The following CNBD1 variants were observed in gnomAD, a reference collection of about 807,000 sequenced individuals.
CNBD1 encodes the protein cyclic nucleotide-binding domain-containing protein 1.
In CNBD1, 71 loss-of-function variants were observed where a neutral mutation model predicts 54.4. That is an observed-to-expected ratio of 1.30 (90% confidence interval 1.08 to 1.59). The LOEUF (loss-of-function observed/expected upper bound fraction) is 1.59. CNBD1 is among the 40% of genes most tolerant of loss of function. CNBD1 has a pLI of 0.00. For synonymous variants in CNBD1, 182 were observed against 170.7 expected (o/e 1.07, Z -0.51); for missense variants, 659 against 518.0 (o/e 1.27, Z -2.64).
At chr8:86,880,793 C>G (rs1490476926) in intron 1 of CNBD1, among the ~76,000 whole-genome samples, 2 of 152,200 alleles carry the variant, frequency 1.3e-5, no homozygotes, top group Admixed American at 6.5e-5. Context: ...TATCGGCAAA[C>G]CCAATCCAGC....
At chr8:87,271,683 G>C (rs1808366896) in intron 6 of CNBD1, among the ~76,000 whole-genome samples, 1 of 151,936 alleles carries the variant, frequency 6.6e-6, no homozygotes, top group Admixed American at 6.6e-5. Context: ...TAGCCACTAT[G>C]GAAAACAGTA....
At chr8:86,888,491 C>G (rs542214390) in intron 2 of CNBD1, among the ~76,000 whole-genome samples, 1 of 152,196 alleles carries the variant, frequency 6.6e-6, no homozygotes, top group East Asian at 1.9e-4. Context: ...CACTTACCCT[C>G]TGTGTGACTT....
intron 5 of CNBD1, among the ~76,000 whole-genome samples, chr8:87,223,989 C>T (rs944499650): frequency 3.9e-5 from 6 of 152,086 alleles, no homozygotes; most frequent in Non-Finnish European, 7.3e-5. Context: ...TCTCTGATGG[C>T]CAGTGACGGT....
At chr8:86,884,609 A>G (rs1808654260) in intron 1 of CNBD1, among the ~76,000 whole-genome samples, 1 of 152,218 alleles carries the variant, frequency 6.6e-6, no homozygotes, top group Non-Finnish European at 1.5e-5. Flanking sequence ...ATCCAAGTAT[A>G]TAGGAAGACT....
At chr8:87,026,200 G>A (rs1312512602) in intron 4 of CNBD1, among the ~76,000 whole-genome samples, 1 of 152,090 alleles carries the variant, frequency 6.6e-6, no homozygotes, top group Admixed American at 6.5e-5. Flanking sequence ...ATTAATGGGA[G>A]GACCAAATTC....
chr8:87,389,032 C>A (rs1305247138), intron 2 of CNBD1, among the ~76,000 whole-genome samples: 2 of 152,130 alleles, frequency 1.3e-5, no homozygotes, highest in Admixed American at 6.5e-5. Context: ...CAGAAAAGGC[C>A]TTTGACAGAA....
intron 4 of CNBD1, among the ~76,000 whole-genome samples, chr8:87,102,780 A>AT (rs1229395683): frequency 5.9e-5 from 9 of 151,826 alleles, no homozygotes; most frequent in Admixed American, 4.6e-4. Flanking sequence ...CGCCCGGCTA[A>AT]TTTTTTTGTA....
chr8:87,388,972 G>T (rs1586072244), intron 2 of CNBD1, among the ~76,000 whole-genome samples: 1 of 152,050 alleles, frequency 6.6e-6, no homozygotes, highest in East Asian at 1.9e-4. Context: ...TTGTAATCCA[G>T]CATATAAACA....
intron 4 of CNBD1, among the ~76,000 whole-genome samples, chr8:87,005,492 A>T (rs1229682211): frequency 6.6e-6 from 1 of 152,114 alleles, no homozygotes; most frequent in Non-Finnish European, 1.5e-5. Context: ...TTGATAGTGT[A>T]TTGACTGCTG....
At chr8:87,185,584 G>T (rs1289050639) in intron 4 of CNBD1, among the ~76,000 whole-genome samples, 1 of 151,980 alleles carries the variant, frequency 6.6e-6, no homozygotes, top group African/African-American at 2.4e-5. Context: ...ACTCATATGT[G>T]GTCTATCCTA....
intron 4 of CNBD1, among the ~76,000 whole-genome samples, chr8:87,200,935 G>A (rs1813846312): frequency 6.6e-6 from 1 of 152,006 alleles, no homozygotes; most frequent in Admixed American, 6.6e-5. Flanking sequence ...ACCAAATAAA[G>A]GGATCAGAAG....
chr8:87,058,803 T>A (rs1810480123), intron 4 of CNBD1, among the ~76,000 whole-genome samples: 1 of 152,218 alleles, frequency 6.6e-6, no homozygotes, highest in Admixed American at 6.5e-5. Context: ...GGAAGGTCTC[T>A]GACATGCCCT....
intron 2 of CNBD1, among the ~76,000 whole-genome samples, chr8:87,397,406 G>T (rs754868092): frequency 3.3e-5 from 5 of 151,844 alleles, no homozygotes; most frequent in Non-Finnish European, 5.9e-5. Context: ...TTTTGTAAGA[G>T]TGAAATCAGT....
chr8:87,224,411 A>G (rs1563513535), intron 5 of CNBD1, among the ~76,000 whole-genome samples: 3 of 151,460 alleles, frequency 2.0e-5, no homozygotes, highest in Non-Finnish European at 4.4e-5. Context: ...TCTTGAATTG[A>G]TTTTTGTATA....
chr8:87,079,682 C>CT (rs959439834), intron 4 of CNBD1, among the ~76,000 whole-genome samples: 127 of 152,026 alleles, frequency 8.4e-4, no homozygotes, highest in African/African-American at 2.8e-3. Context: ...ATAGTTGTTT[C>CT]TTTTTTTATT....
chr8:87,426,485 A>G (rs1304898355), intron 2 of CNBD1, among the ~76,000 whole-genome samples: 1 of 152,230 alleles, frequency 6.6e-6, no homozygotes, highest in Non-Finnish European at 1.5e-5. Flanking sequence ...AAATTGAGAG[A>G]AATTCTGCAC....
intron 4 of CNBD1, among the ~76,000 whole-genome samples, chr8:87,042,550 G>A (rs977040449): frequency 2.6e-5 from 4 of 152,130 alleles, no homozygotes; most frequent in Non-Finnish European, 4.4e-5. Flanking sequence ...AAATGATGGG[G>A]AAGAAATATT....
chr8:86,974,033 T>C (rs904860361), intron 4 of CNBD1, among the ~76,000 whole-genome samples: 4 of 152,072 alleles, frequency 2.6e-5, no homozygotes, highest in African/African-American at 9.7e-5. Flanking sequence ...CAATGGAAAA[T>C]ATACCCCAAA....
chr8:87,100,213 G>A (rs1380322515), intron 4 of CNBD1, among the ~76,000 whole-genome samples: 1 of 152,150 alleles, frequency 6.6e-6, no homozygotes, highest in African/African-American at 2.4e-5. Flanking sequence ...AGTGGTGTTA[G>A]GGAGATGGCT....
Sources: gnomAD v4.1 joint callset for allele counts (sites outside exome capture counted in the v4.1 genomes callset) on GRCh38, gnomAD v4.1.1 for gene constraint, MANE v1.5 for transcripts, NCBI Gene and HGNC (gene_info 2026-07-23, HGNC 2026-07-21) for gene names.